ZNF438: variants seen among roughly 807,000 people sequenced by gnomAD.
ZNF438 encodes zinc finger protein 438.
In ZNF438, 25 loss-of-function variants were observed where a neutral mutation model predicts 38.0. The ratio of observed to expected loss-of-function variants is 0.66; its 90% CI spans 0.48 to 0.92. The LOEUF is 0.92. Ranked by LOEUF, ZNF438 falls within the 40% of genes least tolerant of loss-of-function variation. The pLI, the probability that ZNF438 is intolerant of heterozygous loss-of-function variation, is 0.00. For synonymous variants in ZNF438, 372 were observed against 364.1 expected (o/e 1.02, Z -0.25); for missense variants, 1,007 against 999.6 (o/e 1.01, Z -0.10).
chr10:30,956,858 G>C (rs984718092), intron 1 of ZNF438, among the ~76,000 whole-genome samples: 1 of 152,144 alleles, frequency 6.6e-6, no homozygotes, highest in East Asian at 1.9e-4. Context: ...AGGAGGGCAG[G>C]TATCTCTTCA....
intron 3 of ZNF438, among the ~76,000 whole-genome samples, chr10:30,900,155 A>G (rs569751593): frequency 2.6e-4 from 39 of 152,340 alleles, no homozygotes; most frequent in African/African-American, 8.2e-4. Flanking sequence ...CAAAGTTCCA[A>G]TAAAAACTAT....
intron 2 of ZNF438, among the ~76,000 whole-genome samples, chr10:30,917,479 C>G (rs117190732): frequency 1.3e-5 from 2 of 152,080 alleles, no homozygotes; most frequent in South Asian, 4.1e-4. Flanking sequence ...GCCAGTTGCT[C>G]TAGATCCTAT....
intron 2 of ZNF438, among the ~76,000 whole-genome samples, chr10:30,930,801 G>GT (rs2045572229): frequency 1.3e-4 from 2 of 15,436 alleles, no homozygotes; most frequent in African/African-American, 6.8e-4. Context: ...GAGAAACTCA[G>GT]TCAAAAAAAA....
At chr10:31,028,626 C>T (rs972378537) in intron 1 of ZNF438, among the ~76,000 whole-genome samples, 2 of 152,112 alleles carry the variant, frequency 1.3e-5, no homozygotes, top group South Asian at 4.1e-4. Context: ...ATGAACTAAT[C>T]GGCATGTATT....
At chr10:31,010,002 T>C (rs2055520854) in intron 1 of ZNF438, among the ~76,000 whole-genome samples, 1 of 151,946 alleles carries the variant, frequency 6.6e-6, no homozygotes, top group East Asian at 1.9e-4. Context: ...GTGCCTGCCA[T>C]GACAACCGGC....
chr10:30,890,799 G>C (rs974152656), intron 3 of ZNF438, among the ~76,000 whole-genome samples: 3 of 152,156 alleles, frequency 2.0e-5, no homozygotes, highest in Admixed American at 1.3e-4. Flanking sequence ...CCAGCATTTA[G>C]ACCTCCATTA....
chr10:30,974,192 A>T (rs1589514499), intron 1 of ZNF438, among the ~76,000 whole-genome samples: 1 of 152,258 alleles, frequency 6.6e-6, no homozygotes, highest in African/African-American at 2.4e-5. Flanking sequence ...GTGATTTAAC[A>T]TTCCCAGCTA....
chr10:30,871,893 C>T (rs1012842924), intron 4 of ZNF438, among the ~76,000 whole-genome samples: 12 of 152,218 alleles, frequency 7.9e-5, no homozygotes, highest in African/African-American at 2.6e-4. Flanking sequence ...TGTGTGTCTG[C>T]GTCAAACCAT....
intron 1 of ZNF438, among the ~76,000 whole-genome samples, chr10:30,997,739 A>G (rs2132702112): frequency 1.3e-5 from 2 of 152,258 alleles, no homozygotes; most frequent in Middle Eastern, 6.8e-3. Context: ...CTTCTAAGAA[A>G]GTTTTCTTCA....
intron 2 of ZNF438, among the ~76,000 whole-genome samples, chr10:30,925,880 T>G (rs1210532337): frequency 1.3e-5 from 2 of 152,168 alleles, no homozygotes; most frequent in Non-Finnish European, 2.9e-5. Context: ...TTATACAATT[T>G]GGGTACATTT....
intron 4 of ZNF438, among the ~76,000 whole-genome samples, chr10:30,854,774 A>G (rs2034329363): frequency 6.6e-6 from 1 of 152,198 alleles, no homozygotes; most frequent in African/African-American, 2.4e-5. Flanking sequence ...ACAGACACAC[A>G]GAGAGGAAGA....
intron 4 of ZNF438, among the ~76,000 whole-genome samples, chr10:30,872,467 G>T (rs1220985747): frequency 3.3e-5 from 3 of 91,514 alleles, no homozygotes; most frequent in South Asian, 4.8e-4. Context: ...AAAAAAAAAA[G>T]AGGTCAGGCG....
intron 3 of ZNF438, among the ~76,000 whole-genome samples, chr10:30,879,277 G>A (rs574058308): frequency 1.3e-3 from 196 of 152,176 alleles, no homozygotes; most frequent in Non-Finnish European, 2.5e-3. Flanking sequence ...CCTTAGTAGG[G>A]GGGAATACTT....
At chr10:30,895,180 C>T (rs942760219) in intron 3 of ZNF438, among the ~76,000 whole-genome samples, 1 of 152,146 alleles carries the variant, frequency 6.6e-6, no homozygotes, top group Non-Finnish European at 1.5e-5. Context: ...GTGCTTTCCT[C>T]TTCCTTTGTT....
chr10:31,011,772 A>G (rs1035990046), intron 1 of ZNF438, among the ~76,000 whole-genome samples: 1 of 152,190 alleles, frequency 6.6e-6, no homozygotes, highest in African/African-American at 2.4e-5. Flanking sequence ...TGGCCAATCA[A>G]CTCTCCAAAA....
At chr10:31,000,448 A>AT (rs1194789188) in intron 1 of ZNF438, among the ~76,000 whole-genome samples, 1 of 152,232 alleles carries the variant, frequency 6.6e-6, no homozygotes, top group African/African-American at 2.4e-5. Flanking sequence ...ACACTGATGT[A>AT]TAATTCCTTT....
rs75622491 is a variant in ZNF438, at chr10:31,014,082, T to C, written c.-192+17751A>G. 3.1e-4 allele frequency among the ~76,000 whole-genome samples: 47 copies of C among 150,050 alleles called. No individual in the cohort carries two copies. In the East Asian group the frequency reaches 8.9e-3, roughly 28 times the overall value. The stretch of plus-strand genomic sequence containing the variant: ...GATCTTAAAATGCTTGTCTCTTGGC[T>C]TCAGTAACATTATTCTTTCTTGGTG... On this transcript the variant is annotated intron_variant, in intron 1 of 5. Coordinates refer to ENST00000413025, the Ensembl canonical transcript of ZNF438.
chr10:30,949,325 C>T (rs370447983), intron 1 of ZNF438, among the ~76,000 whole-genome samples: 5 of 151,672 alleles, frequency 3.3e-5, no homozygotes, highest in African/African-American at 7.3e-5. Flanking sequence ...ATCAAGACTA[C>T]GAAGAAACTG....
chr10:30,862,775 G>A (rs944464866), intron 4 of ZNF438, among the ~76,000 whole-genome samples: 1 of 152,178 alleles, frequency 6.6e-6, no homozygotes, highest in African/African-American at 2.4e-5. Flanking sequence ...GCAAAAGGCT[G>A]GAAGTTTCTT....
Sources: allele counts gnomAD v4.1 joint callset (sites outside exome capture counted in the v4.1 genomes callset), GRCh38; gene constraint gnomAD v4.1.1; transcripts MANE v1.5; gene names NCBI Gene and HGNC (gene_info 2026-07-23, HGNC 2026-07-21).